The following TLX2 variants were observed in gnomAD, a reference collection of about 807,000 sequenced individuals.
TLX2 encodes the protein T cell leukemia homeobox 2, also known as T-cell leukemia homeobox protein 2.
In TLX2, 15 loss-of-function variants were observed where a neutral mutation model predicts 21.7. The observed-to-expected ratio is 0.69, with a 90% confidence interval of 0.46 to 1.07. The LOEUF is 1.07. Ranked by LOEUF, TLX2 falls within the 50% of genes least tolerant of loss-of-function variation. The pLI is 0.00. For synonymous variants in TLX2, 213 were observed against 193.1 expected, an observed-to-expected ratio of 1.10 and a Z score of -0.85; for missense variants, 384 against 409.1, an observed-to-expected ratio of 0.94 and a Z score of 0.53.
chr2:74,515,175 C>A lies in TLX2; in HGVS notation c.369C>A (p.Ser123Arg). Residue 123 changes from serine (S) to arginine (R), a missense_variant, in exon 1 of 3, where the codon AGC (serine) becomes AGA (arginine). Physicochemically the swap from Ser to Arg is moderately radical, Grantham distance 110. Transcript: ENST00000233638. The surrounding 1 kb of genome is among the most constrained non-coding windows in gnomAD (Gnocchi z 6.6). ...LAGLTFPWMD[S>R]GRRFAKDRLT... The stretch of plus-strand genomic sequence containing the variant: ...GACTCACCTTCCCCTGGATGGACAG[C>A]GGCCGCCGCTTTGCCAAGGACCGGC... The A allele has an allele frequency of 6.5e-7, 1 of 1,541,102 alleles. No homozygotes were observed. The highest frequency in any genetic ancestry group is 2.4e-5 in the East Asian group (1 of 41,312).
rs773236851 is a variant in TLX2, at chr2:74,515,985, G to A, written c.651G>A (p.Ala217=). The A allele has an allele frequency of 1.4e-6, 2 of 1,468,350 alleles. No individual in the cohort carries two copies. Among genetic ancestry groups the A allele is most frequent in the Admixed American group, 2.7e-5 (1 of 37,598 alleles). The allele number at this position is 1,468,350 out of a possible 1,614,324, so 91.0% of individuals were successfully genotyped here. ...CTCCCTCCCTTAGGCGCCAGACGGC[G>A]GAGGAGCGCGAGGCCGAGCGGCACC... The part of the protein sequence containing the change: ...NRRTKWRRQT[A]EEREAERHRA... Residue 217 remains alanine, a synonymous_variant, in exon 3 of 3, where the codon GCG becomes GCA. Transcript: ENST00000233638. This position sits in a 1 kb window ranked among gnomAD's most constrained non-coding sequence, Gnocchi z 6.6.
rs1486968130 is a variant in TLX2, at chr2:74,515,912, C to T, written c.638+42C>T. The T allele has an allele frequency of 1.3e-6, 2 of 1,576,358 alleles. No homozygotes were observed. The highest frequency in any genetic ancestry group is 2.7e-5 in the African/African-American group (2 of 73,742). ...GCGAGGGCGGACTGGGGTTCCCGAG[C>T]AGGGCCTGGTGAGAAGCGACGCGGC... On this transcript the variant is annotated intron_variant, in intron 2 of 2. Transcript: ENST00000233638. This position sits in a 1 kb window ranked among gnomAD's most constrained non-coding sequence, Gnocchi z 6.6.
rs1292520034 is a variant in TLX2, at chr2:74,516,410, T to A, written c.*221T>A. 2.1e-6 allele frequency: 3 copies of A among 1,432,704 alleles called. No individual in the cohort carries two copies. Among genetic ancestry groups the A allele is most frequent in the Non-Finnish European group, 1.8e-6 (2 of 1,092,378 alleles). 88.7% of individuals were successfully genotyped at this position (1,432,704 alleles called of 1,614,324 possible). On this transcript the variant is annotated 3_prime_UTR_variant, in exon 3 of 3. Coordinates refer to ENST00000233638, the MANE Select transcript of TLX2 (RefSeq NM_016170.5). Reference sequence around the variant, plus strand: ...CCCGCCATTTTTCACTTCACTGCCGTTACGCCCTCGCTGGAACCTGAGGCG... The same window carrying A: ...CCCGCCATTTTTCACTTCACTGCCGATACGCCCTCGCTGGAACCTGAGGCG...
Position 74,515,524 on chromosome 2 carries a change from G to A in TLX2, c.401-109G>A. On this transcript the variant is annotated intron_variant, in intron 1 of 2. Transcript: ENST00000233638. This position sits in a 1 kb window ranked among gnomAD's most constrained non-coding sequence, Gnocchi z 6.6. ...GGGCTCGGCTGATGCTTAGGGCCCGGGTAAGGACAGGGCGCGGGAGTTCTG... is the reference window on the plus strand; with the variant it reads ...GGGCTCGGCTGATGCTTAGGGCCCGAGTAAGGACAGGGCGCGGGAGTTCTG... 1.6e-6 allele frequency: 2 copies of A among 1,225,206 alleles called. No individual in the cohort carries two copies. The highest frequency in any genetic ancestry group is 2.3e-6 in the Non-Finnish European group (2 of 870,262). The allele number at this position is 1,225,206 out of a possible 1,614,324, so 75.9% of individuals were successfully genotyped here.
Position 74,516,071 on chromosome 2 carries a change from C to T in TLX2, c.737C>T (p.Pro246Leu), listed in dbSNP as rs1558599059. 2 of 1,592,888 alleles carry T rather than the reference C, an allele frequency of 1.3e-6. No homozygotes were observed. Among genetic ancestry groups the T allele is most frequent in the Non-Finnish European group, 1.7e-6 (2 of 1,174,092 alleles). The change falls in exon 3 of 3, where the codon CCG (proline) becomes CTG (leucine). Residue 246 changes from proline (P) to leucine (L), a missense_variant. Pro to Leu is a moderately conservative substitution (Grantham distance 98, BLOSUM62 -3). Transcript: ENST00000233638. ...QDALPRPLRPPLPPDPLCLHN... is the reference protein window; with the variant it reads ...QDALPRPLRPLLPPDPLCLHN... The stretch of plus-strand genomic sequence containing the variant: ...GCGTTGCCACGGCCGCTGCGGCCGC[C>T]GCTGCCCCCGGACCCTCTCTGCCTG...
At position 74,515,133 on chromosome 2, in the gene TLX2, C is replaced by T; in HGVS notation, c.327C>T (p.Gly109=). The change falls in exon 1 of 3, where the codon GGC becomes GGT. Residue 109 remains glycine, a synonymous_variant. Coordinates refer to ENST00000233638, the MANE Select transcript of TLX2 (RefSeq NM_016170.5). This position sits in a 1 kb window ranked among gnomAD's most constrained non-coding sequence, Gnocchi z 6.6. The part of the protein sequence containing the change: ...PAVPGPSGLG[G]AGGLAGLTFP... ...TGCCTGGGCCCTCGGGTTTGGGCGGCGCCGGAGGCCTAGCGGGACTCACCT... is the reference window on the plus strand; with the variant it reads ...TGCCTGGGCCCTCGGGTTTGGGCGGTGCCGGAGGCCTAGCGGGACTCACCT... The T allele has an allele frequency of 6.5e-7, 1 of 1,540,814 alleles. No homozygotes were observed. The highest frequency in any genetic ancestry group is 1.4e-5 in the African/African-American group (1 of 72,568).
rs918600176 is a variant in TLX2 at position 74,514,652 on chromosome 2, ATGC to A, written c.-149_-147del. 3.4e-6 allele frequency: 5 copies of A among 1,474,158 alleles called. No homozygotes were observed. Among genetic ancestry groups the A allele is most frequent in the Non-Finnish European group, 4.5e-6 (5 of 1,116,522 alleles). 91.3% of individuals were successfully genotyped at this position (1,474,158 alleles called of 1,614,324 possible). The stretch of plus-strand genomic sequence containing the variant: ...GCGCGGCTGCTCCGGGTGCACAGGG[ATGC>A]TGCTGTTTCGGGGACCCCGGCGCCC... On this transcript the variant is annotated 5_prime_UTR_variant, in exon 1 of 3. Transcript: ENST00000233638. The surrounding 1 kb of genome is among the most constrained non-coding windows in gnomAD (Gnocchi z 5.0).
At position 74,515,563 on chromosome 2, in the gene TLX2, CG is replaced by C. The variant is rs1406107900; in HGVS notation, c.401-69del. ...GCGGGAGTTCTGCGGCCTGGACAGCCGCGCGGCCTTCTCAGTGGCACCTCGG... is the reference window on the plus strand; with the variant it reads ...GCGGGAGTTCTGCGGCCTGGACAGCCCGCGGCCTTCTCAGTGGCACCTCGG... On this transcript the variant is annotated intron_variant, in intron 1 of 2. Transcript: ENST00000233638. The surrounding 1 kb of genome is among the most constrained non-coding windows in gnomAD (Gnocchi z 6.6). The C allele has an allele frequency of 6.8e-6, 10 of 1,463,908 alleles. No individual in the cohort carries two copies. The highest frequency in any genetic ancestry group is 9.4e-6 in the Non-Finnish European group (10 of 1,069,318). The allele number at this position is 1,463,908 out of a possible 1,614,324, so 90.7% of individuals were successfully genotyped here.
At position 74,516,096 on chromosome 2, in the gene TLX2, G is replaced by A; in HGVS notation, c.762G>A (p.Leu254=). 4 of 1,609,172 alleles carry A rather than the reference G, an allele frequency of 2.5e-6. No individual in the cohort carries two copies. The highest frequency in any genetic ancestry group is 3.4e-6 in the Non-Finnish European group (4 of 1,178,954). ...RPPLPPDPLC[L]HNSSLFALQN... ...CGCTGCCCCCGGACCCTCTCTGCCTGCACAACTCGTCGCTCTTCGCGCTGC... is the reference window on the plus strand; with the variant it reads ...CGCTGCCCCCGGACCCTCTCTGCCTACACAACTCGTCGCTCTTCGCGCTGC... The change falls in exon 3 of 3, where the codon CTG becomes CTA. Residue 254 remains leucine (L), a synonymous_variant. Transcript: ENST00000233638.
chr2:74,514,987 G>T lies in TLX2; in HGVS notation c.181G>T (p.Gly61Cys). The T allele has an allele frequency of 6.5e-7, 1 of 1,548,032 alleles. No individual in the cohort carries two copies. The highest frequency in any genetic ancestry group is 8.7e-7 in the Non-Finnish European group (1 of 1,148,342). ...TGGATACCACGGAGCCTCGGGCTAC[G>T]GTCCCGCCGGCTCACTTGCCCCGCT... is the stretch of plus-strand genomic sequence containing the variant. Reference protein sequence around the residue: ...SGGYHGASGYGPAGSLAPLPG... With the variant: ...SGGYHGASGYCPAGSLAPLPG... Residue 61 changes from glycine to cysteine, a missense_variant, in exon 1 of 3, where the codon GGT (glycine) becomes TGT (cysteine). Transcript: ENST00000233638. The surrounding 1 kb of genome is among the most constrained non-coding windows in gnomAD (Gnocchi z 5.0).
At position 74,516,415 on chromosome 2, in the gene TLX2, C is replaced by T. The variant is rs1424497035; in HGVS notation, c.*226C>T. ...CATTTTTCACTTCACTGCCGTTACG[C>T]CCTCGCTGGAACCTGAGGCGCCGAG... On this transcript the variant is annotated 3_prime_UTR_variant, in exon 3 of 3. Transcript: ENST00000233638. 2.1e-6 allele frequency: 3 copies of T among 1,424,186 alleles called. No homozygotes were observed. The highest frequency in any genetic ancestry group is 1.9e-4 in the Middle Eastern group (1 of 5,188). The allele number at this position is 1,424,186 out of a possible 1,614,324, so 88.2% of individuals were successfully genotyped here.
chr2:74,516,242 C>G lies in TLX2; in HGVS notation c.*53C>G, dbSNP rs562191136. On this transcript the variant is annotated 3_prime_UTR_variant, in exon 3 of 3. Transcript: ENST00000233638. ...GCCGGGCCCGGAGCGGTGGAGCGCG[C>G]GGCTGCCTGCGTCCATGGTCTAGTG... The G allele has an allele frequency of 6.4e-7, 1 of 1,569,212 alleles. No homozygotes were observed. Among genetic ancestry groups the G allele is most frequent in the African/African-American group, 1.4e-5 (1 of 73,890 alleles).
chr2:74,515,655 G>C lies in TLX2; in HGVS notation c.423G>C (p.Gly141=), dbSNP rs762417338. 2 of 1,612,270 alleles carry C rather than the reference G, an allele frequency of 1.2e-6. No individual in the cohort carries two copies. The highest frequency in any genetic ancestry group is 2.7e-5 in the African/African-American group (2 of 75,014). Reference sequence around the variant, plus strand: ...TAGCTGCGCTCTCGCCCTTCTCTGGGACGCGCCGCATAGGCCACCCCTACC... The same window carrying C: ...TAGCTGCGCTCTCGCCCTTCTCTGGCACGCGCCGCATAGGCCACCCCTACC... The part of the protein sequence containing the change: ...RLTAALSPFS[G]TRRIGHPYQN... The change falls in exon 2 of 3, where the codon GGG becomes GGC. Residue 141 remains glycine (G), a synonymous_variant. Transcript: ENST00000233638. The surrounding 1 kb of genome is among the most constrained non-coding windows in gnomAD (Gnocchi z 6.6).
rs987236858 is a variant in TLX2, at chr2:74,514,968, C to T, written c.162C>T (p.Tyr54=). ...AGAATGGGGCGTTCTCGGGTGGATA[C>T]CACGGAGCCTCGGGCTACGGTCCCG... ...HGENGAFSGG[Y]HGASGYGPAG... Residue 54 remains tyrosine (Y), a synonymous_variant, in exon 1 of 3, where the codon TAC becomes TAT. Coordinates refer to ENST00000233638, the MANE Select transcript of TLX2 (RefSeq NM_016170.5). This position sits in a 1 kb window ranked among gnomAD's most constrained non-coding sequence, Gnocchi z 5.0. The T allele has an allele frequency of 1.9e-6, 3 of 1,575,390 alleles. No homozygotes were observed. Among genetic ancestry groups the T allele is most frequent in the Non-Finnish European group, 2.6e-6 (3 of 1,162,028 alleles).
chr2:74,515,198 G>C lies in TLX2; in HGVS notation c.392G>C (p.Arg131Pro). 1 of 1,540,626 alleles carries C rather than the reference G, an allele frequency of 6.5e-7. No homozygotes were observed. Among genetic ancestry groups the C allele is most frequent in the Non-Finnish European group, 8.7e-7 (1 of 1,148,014 alleles). Residue 131 changes from arginine to proline, a missense_variant, in exon 1 of 3, where the codon CGG becomes CCG. By Grantham distance (103) the Arg-to-Pro change is moderately radical (BLOSUM62 -2). Transcript: ENST00000233638. This position sits in a 1 kb window ranked among gnomAD's most constrained non-coding sequence, Gnocchi z 6.6. ...MDSGRRFAKD[R>P]LTAALSPFSG... ...AGCGGCCGCCGCTTTGCCAAGGACCGGCTCACGGGTGAGGTTGTCTGACCC... is the reference window on the plus strand; with the variant it reads ...AGCGGCCGCCGCTTTGCCAAGGACCCGCTCACGGGTGAGGTTGTCTGACCC...
Position 74,515,882 on chromosome 2 carries a change from C to T in TLX2, c.638+12C>T. ...CGCACCAAGTGGCGGTGAGGCGCGGCGCGGGCGAGGGCGGACTGGGGTTCC... is the reference window on the plus strand; with the variant it reads ...CGCACCAAGTGGCGGTGAGGCGCGGTGCGGGCGAGGGCGGACTGGGGTTCC... On this transcript the variant is annotated intron_variant, in intron 2 of 2. Transcript: ENST00000233638. The surrounding 1 kb of genome is among the most constrained non-coding windows in gnomAD (Gnocchi z 6.6). The T allele has an allele frequency of 6.3e-7, 1 of 1,599,756 alleles. No homozygotes were observed. Among genetic ancestry groups the T allele is most frequent in the South Asian group, 1.1e-5 (1 of 90,194 alleles).
rs766748199 is a variant in TLX2, at chr2:74,514,786, G to C, written c.-21G>C. 1.1e-5 allele frequency: 18 copies of C among 1,611,770 alleles called. No individual in the cohort carries two copies. The highest frequency in any genetic ancestry group is 1.7e-5 in the Admixed American group (1 of 59,944). Reference sequence around the variant, plus strand: ...CCTCCCCAACCACCGAACCTCCGGCGGTTCTCCTCGGCCCAGACCGATGGA... The same window carrying C: ...CCTCCCCAACCACCGAACCTCCGGCCGTTCTCCTCGGCCCAGACCGATGGA... On this transcript the variant is annotated 5_prime_UTR_variant, in exon 1 of 3. Coordinates refer to ENST00000233638, the MANE Select transcript of TLX2 (RefSeq NM_016170.5). The surrounding 1 kb of genome is among the most constrained non-coding windows in gnomAD (Gnocchi z 5.0).
rs1420941260 is a variant in TLX2 at position 74,516,091 on chromosome 2, T to A, written c.757T>A (p.Cys253Ser). Reference protein sequence around the residue: ...LRPPLPPDPLCLHNSSLFALQ... With the variant: ...LRPPLPPDPLSLHNSSLFALQ... ...GCCGCCGCTGCCCCCGGACCCTCTCTGCCTGCACAACTCGTCGCTCTTCGC... is the reference window on the plus strand; with the variant it reads ...GCCGCCGCTGCCCCCGGACCCTCTCAGCCTGCACAACTCGTCGCTCTTCGC... The change falls in exon 3 of 3, where the codon TGC (cysteine) becomes AGC (serine). Residue 253 changes from cysteine to serine, a missense_variant. Transcript: ENST00000233638. 1.2e-6 allele frequency: 2 copies of A among 1,608,580 alleles called. No homozygotes were observed. Among genetic ancestry groups the A allele is most frequent in the Admixed American group, 1.7e-5 (1 of 59,878 alleles).
Position 74,515,768 on chromosome 2 carries a change from A to G in TLX2, c.536A>G (p.Gln179Arg). Residue 179 changes from glutamine to arginine, a missense_variant, in exon 2 of 3, where the codon CAG (glutamine) becomes CGG (arginine). By Grantham distance (43) the Gln-to-Arg change is conservative. Transcript: ENST00000233638. This position sits in a 1 kb window ranked among gnomAD's most constrained non-coding sequence, Gnocchi z 6.6. The part of the protein sequence containing the change: ...VLELERRFLR[Q>R]KYLASAERAA... ...GAGTTGGAGCGGCGCTTCCTGCGCCAGAAGTACCTGGCCTCTGCGGAGAGG... is the reference window on the plus strand; with the variant it reads ...GAGTTGGAGCGGCGCTTCCTGCGCCGGAAGTACCTGGCCTCTGCGGAGAGG... The G allele has an allele frequency of 6.2e-7, 1 of 1,613,334 alleles. No homozygotes were observed. The highest frequency in any genetic ancestry group is 8.5e-7 in the Non-Finnish European group (1 of 1,179,928).
Sources: gnomAD v4.1 joint callset for allele counts on GRCh38, gnomAD v4.1.1 for gene constraint, Gnocchi (gnomAD v3.1) non-coding constraint, MANE v1.5 for transcripts, NCBI Gene and HGNC (gene_info 2026-07-23, HGNC 2026-07-21) for gene names.